The following RDX variants were observed in gnomAD, a reference collection of about 807,000 sequenced individuals.
The protein encoded by RDX is deafness, autosomal recessive 24.
RDX carries 32 observed loss-of-function variants against 83.7 expected under a neutral mutation model. The observed-to-expected ratio is 0.38, with a 90% CI of 0.29 to 0.51. The LOEUF (loss-of-function observed/expected upper bound fraction) is 0.51. Among genes scored for constraint, RDX ranks in the 20% least tolerant of loss-of-function variants. The pLI is 0.87. For synonymous variants in RDX, 229 were observed against 222.7 expected (o/e 1.03, Z -0.25); for missense variants, 600 against 689.9 (o/e 0.87, Z 1.46).
intron 15 of RDX, among the ~76,000 whole-genome samples, chr11:110,193,687 C>A (rs1863147124): frequency 6.6e-6 from 1 of 152,054 alleles, no homozygotes; most frequent in African/African-American, 2.4e-5. Context: ...TCATTTAGTC[C>A]AAACACCTCA....
At chr11:110,283,864 TAAA>T (rs67648080) in intron 1 of RDX, among the ~76,000 whole-genome samples, 1 of 151,616 alleles carries the variant, frequency 6.6e-6, no homozygotes, top group East Asian at 1.9e-4. Flanking sequence ...AATACCAAAA[TAAA>T]AAAGAGTAGA....
chr11:110,272,545 A>G lies in RDX; in HGVS notation c.87T>C (p.Leu29=). The G allele has an allele frequency of 6.2e-7, 1 of 1,610,350 alleles. No homozygotes were observed. Among genetic ancestry groups the G allele is most frequent in the African/African-American group, 1.3e-5 (1 of 74,984 alleles). Residue 29 remains leucine, a synonymous_variant, in exon 3 of 14, where the codon CTT becomes CTC. Coordinates refer to ENST00000645495, the MANE Select transcript of RDX (RefSeq NM_002906.4). ...AIQPNTTGKQ[L]FDQVVKTVGL... is the part of the protein sequence containing the mutation. The stretch of plus-strand genomic sequence containing the variant: ...TCATGCAGTGTAATACCTGGTCAAA[A>G]AGTTGTTTGCCAGTTGTATTGGGCT...
intron 9 of RDX, among the ~76,000 whole-genome samples, chr11:110,251,819 C>A (rs1424714953): frequency 6.6e-6 from 1 of 152,134 alleles, no homozygotes; most frequent in Non-Finnish European, 1.5e-5. Flanking sequence ...TGCCAAAAAA[C>A]CCCTAGGTTA....
chr11:110,188,296 AAATAAT>A lies in RDX; in HGVS notation c.*31+11279_*31+11284del, dbSNP rs34384486. On this transcript the variant is annotated intron_variant, in intron 15 of 15. Coordinates refer to the RDX transcript ENST00000528498. ...GCAACAAGAGCGAGACTCTGTCTCAAAATAATAATAATAATAATAATAATAATAATA... is the reference window on the plus strand; with the variant it reads ...GCAACAAGAGCGAGACTCTGTCTCAAAATAATAATAATAATAATAATAATA... Among the ~76,000 whole-genome samples, 777 of 142,472 alleles carry A rather than the reference AAATAAT, an allele frequency of 5.5e-3. 2 individuals carry two copies. The highest frequency in any genetic ancestry group is 0.032 in the East Asian group (161 of 4,956). The allele number at this position is 142,472 out of a possible 152,430, so 93.5% of individuals were successfully genotyped here. A position where few individuals can be genotyped will look rare whatever the true frequency, so the allele number is the denominator to read the frequency against.
chr11:110,244,472 C>T (rs546135931), intron 10 of RDX, among the ~76,000 whole-genome samples: 2 of 151,100 alleles, frequency 1.3e-5, no homozygotes, highest in Admixed American at 1.3e-4. Flanking sequence ...CACAAAAGAC[C>T]ACATTTTGCA....
chr11:110,257,840 T>C lies in RDX; in HGVS notation c.625A>G (p.Lys209Glu). 6.2e-7 allele frequency: 1 copy of C among 1,613,012 alleles called. No homozygotes were observed. The highest frequency in any genetic ancestry group is 8.5e-7 in the Non-Finnish European group (1 of 1,179,392). ...EMYGVNYFEI[K>E]NKKGTELWLG... Reference sequence around the variant, plus strand: ...CACAATTCAGTTCCTTTTTTATTTTTTATTTCAAAATAGTTGACTCCATAC... The same window carrying C: ...CACAATTCAGTTCCTTTTTTATTTTCTATTTCAAAATAGTTGACTCCATAC... Residue 209 changes from lysine (K) to glutamate (E), a missense_variant, in exon 7 of 14, where the codon AAA becomes GAA. Coordinates refer to ENST00000645495, the MANE Select transcript of RDX (RefSeq NM_002906.4).
At chr11:110,202,933 T>G (rs1863468218) in intron 14 of RDX, among the ~76,000 whole-genome samples, 1 of 152,040 alleles carries the variant, frequency 6.6e-6, no homozygotes, top group African/African-American at 2.4e-5. Flanking sequence ...ACACTGTTGG[T>G]GAGACTGTAA....
intron 13 of RDX, 39 bp from the exon 14 acceptor site, chr11:110,232,072 T>C (rs1864660309): frequency 6.6e-7 from 1 of 1,519,740 alleles, no homozygotes; most frequent in Admixed American, 1.7e-5. Context: ...TATTTTTTTC[T>C]TAGATTTAAA....
intron 1 of RDX, among the ~76,000 whole-genome samples, chr11:110,284,399 G>C (rs1214867202): frequency 6.6e-6 from 1 of 152,076 alleles, no homozygotes; most frequent in African/African-American, 2.4e-5. Flanking sequence ...CCAGGGTTGT[G>C]GGGGTTTTTT....
At chr11:110,285,921 A>G (rs906808479) in intron 1 of RDX, among the ~76,000 whole-genome samples, 1 of 151,978 alleles carries the variant, frequency 6.6e-6, no homozygotes, top group Admixed American at 6.6e-5. Flanking sequence ...TTCTATTAAA[A>G]AAAGTATAAA....
rs868139509 is a variant in RDX, at chr11:110,194,312, C to T, written c.*31+5269G>A. On this transcript the variant is annotated intron_variant, in intron 15 of 15. Coordinates refer to the RDX transcript ENST00000528498. The stretch of plus-strand genomic sequence containing the variant: ...CTGACACACAGTAACCTCCGCCTTC[C>T]GGGTTCAAGCGATTCTCCTGCCTCG... Among the ~76,000 whole-genome samples, 4 of 152,192 alleles carry T rather than the reference C, an allele frequency of 2.6e-5. No homozygotes were observed. The East Asian group carries it at 5.8e-4, about 22-fold the overall frequency.
intron 14 of RDX, among the ~76,000 whole-genome samples, chr11:110,212,841 T>A (rs1456845550): frequency 1.1e-3 from 145 of 133,742 alleles, no homozygotes; most frequent in Middle Eastern, 3.8e-3. Flanking sequence ...TATTTCAAAA[T>A]AATAAGAGCT....
At chr11:110,276,390 T>C (rs1414932752) in intron 2 of RDX, among the ~76,000 whole-genome samples, 2 of 152,200 alleles carry the variant, frequency 1.3e-5, no homozygotes, top group Non-Finnish European at 2.9e-5. Context: ...TTGTCTTAAT[T>C]AGTACTTCTT....
At chr11:110,250,261 A>C (rs974588347) in intron 9 of RDX, among the ~76,000 whole-genome samples, 3 of 152,200 alleles carry the variant, frequency 2.0e-5, no homozygotes, top group Admixed American at 6.5e-5. Context: ...AAAGCAAAAG[A>C]AGCAAAAGCA....
At chr11:110,202,629 G>A (rs1281661836) in intron 14 of RDX, among the ~76,000 whole-genome samples, 1 of 149,382 alleles carries the variant, frequency 6.7e-6, no homozygotes, top group Non-Finnish European at 1.5e-5. Context: ...GGGAGGGTGG[G>A]ACATGAGGTC....
chr11:110,226,660 A>G (rs1864446265), downstream of RDX, among the ~76,000 whole-genome samples: 2 of 152,296 alleles, frequency 1.3e-5, no homozygotes, highest in Admixed American at 1.3e-4. Flanking sequence ...ATAAAAAAAG[A>G]TTCAACTGTA....
intron 14 of RDX, among the ~76,000 whole-genome samples, chr11:110,209,077 C>A (rs534171128): frequency 6.6e-6 from 1 of 152,198 alleles, no homozygotes; most frequent in African/African-American, 2.4e-5. Flanking sequence ...TCTGAGGTAC[C>A]GGGTTCATCT....
chr11:110,186,445 C>A (rs1322966048), intron 15 of RDX, among the ~76,000 whole-genome samples: 1 of 151,700 alleles, frequency 6.6e-6, no homozygotes, highest in Non-Finnish European at 1.5e-5. Context: ...TTTTTCCCCG[C>A]AAGATGGTGA....
At chr11:110,179,889 T>A (rs1862847755) in intron 15 of RDX, 1 of 429,254 alleles carries the variant, frequency 2.3e-6, no homozygotes, top group Admixed American at 2.8e-5. Context: ...TTTTTCTTTT[T>A]CTTTTTCTTT....
Sources: allele counts gnomAD v4.1 joint callset (sites outside exome capture counted in the v4.1 genomes callset), GRCh38; gene constraint gnomAD v4.1.1; transcripts MANE v1.5; gene names NCBI Gene and HGNC (gene_info 2026-07-23, HGNC 2026-07-21).